Variants in TENM3 observed in about 807,000 individuals in gnomAD.
TENM3 encodes teneurin transmembrane protein 3, also known as teneurin-3.
A neutral mutation model predicts 255.1 loss-of-function variants in TENM3; 63 were observed. That is an observed-to-expected ratio of 0.25 (90% CI 0.20 to 0.30). The LOEUF (loss-of-function observed/expected upper bound fraction) is 0.30. TENM3 is among the 10% of genes least tolerant of loss of function. The probability of loss-of-function intolerance (pLI) is 1.00; values close to 1 mark genes in which losing one functional copy is unlikely to be tolerated. For synonymous variants in TENM3, 1,306 were observed against 1,322.3 expected, an observed-to-expected ratio of 0.99 and a Z score of 0.27; for missense variants, 2,929 against 3,461.1, an observed-to-expected ratio of 0.85 and a Z score of 3.86.
the TENM3 span, among the ~76,000 whole-genome samples, chr4:182,008,270 A>C: frequency 2.6e-5 from 4 of 151,842 alleles, no homozygotes; most frequent in African/African-American, 4.8e-5. Context: ...AAATTTCCTG[A>C]ATTTTCCTGT....
chr4:182,490,906 C>T lies in TENM3; in HGVS notation c.512-110018C>T, dbSNP rs574836381. On this transcript the variant is annotated intron_variant, in intron 3 of 27. Transcript: ENST00000511685. ...CCTGCTTGTGTTTTTGTTACCTTGC[C>T]TCTTGCCTTCCCAGGATAGGGCACA... Among the ~76,000 whole-genome samples the T allele has an allele frequency of 3.9e-5, 6 of 152,302 alleles. No homozygotes were observed. The South Asian group carries it at 1.0e-3, about 26-fold the overall frequency.
intron 3 of TENM3, among the ~76,000 whole-genome samples, chr4:182,501,373 T>TG (rs57346256): frequency 0.034 from 4,565 of 134,876 alleles, 88 homozygotes; most frequent in Middle Eastern, 0.056. Flanking sequence ...TGTCTAAAAG[T>TG]GGGGGGGGGG....
chr4:182,713,381 C>CCATTCA, intron 12 of TENM3, among the ~76,000 whole-genome samples: 1 of 152,302 alleles, frequency 6.6e-6, no homozygotes, highest in South Asian at 2.1e-4. Context: ...CTGTCCCATC[C>CCATTCA]GTATGCAGCC....
chr4:182,062,525 T>C, the TENM3 span, among the ~76,000 whole-genome samples: 1 of 152,380 alleles, frequency 6.6e-6, no homozygotes, highest in Admixed American at 6.5e-5. Flanking sequence ...TGTAAAGTTA[T>C]ACCGTGTTGA....
chr4:182,309,942 A>T lies in TENM3; in HGVS notation c.-75-14004A>T, dbSNP rs967953078. On this transcript the variant is annotated intron_variant, in intron 1 of 27. Transcript: ENST00000511685. ...TGAATGCCCTAAAAAACTTTATCTC[A>T]TTTAATCTTCATAATATCTCCGCTA... 5.3e-5 allele frequency among the ~76,000 whole-genome samples: 8 copies of T among 152,186 alleles called. No homozygotes were observed. In the East Asian group the frequency reaches 1.5e-3, roughly 29 times the overall value.
the TENM3 span, among the ~76,000 whole-genome samples, chr4:181,585,996 C>T: frequency 1.9e-3 from 291 of 152,264 alleles, 1 homozygote; most frequent in African/African-American, 6.8e-3. Context: ...TCAAGAAAAC[C>T]GTGGCTTCCA....
the TENM3 span, among the ~76,000 whole-genome samples, chr4:182,039,123 C>A: frequency 6.6e-6 from 1 of 152,172 alleles, no homozygotes; most frequent in African/African-American, 2.4e-5. Context: ...TTTCAAGAGC[C>A]ATCTGAGGTC....
the TENM3 span, among the ~76,000 whole-genome samples, chr4:181,994,770 T>C: frequency 1.3e-5 from 2 of 152,180 alleles, no homozygotes; most frequent in African/African-American, 2.4e-5. Flanking sequence ...GCAGCTTTCA[T>C]GAGCAAGAAT....
chr4:182,601,339 T>C (rs1560987056), intron 4 of TENM3, among the ~76,000 whole-genome samples, 178 bp downstream of exon 4: 1 of 152,190 alleles, frequency 6.6e-6, no homozygotes, highest in Non-Finnish European at 1.5e-5. Flanking sequence ...GGTCAGTGAA[T>C]GTGCCTATTC....
At chr4:181,735,532 C>T in the TENM3 span, among the ~76,000 whole-genome samples, 1 of 151,980 alleles carries the variant, frequency 6.6e-6, no homozygotes, top group African/African-American at 2.4e-5. Flanking sequence ...GTCTTATAAA[C>T]ATATCAAAGC....
At chr4:182,727,196 C>A (rs1760267741) in intron 13 of TENM3, among the ~76,000 whole-genome samples, 1 of 152,010 alleles carries the variant, frequency 6.6e-6, no homozygotes, top group African/African-American at 2.4e-5. Context: ...TGGCTCACAC[C>A]TATAATCCCA....
chr4:181,730,467 G>T, the TENM3 span, among the ~76,000 whole-genome samples: 1 of 152,204 alleles, frequency 6.6e-6, no homozygotes, highest in African/African-American at 2.4e-5. Context: ...CCTCCAACCT[G>T]TAGGTAACTT....
intron 27 of TENM3, among the ~76,000 whole-genome samples, chr4:182,798,331 C>A (rs1049667180): frequency 6.6e-6 from 1 of 152,286 alleles, no homozygotes; most frequent in African/African-American, 2.4e-5. Context: ...TACTGTACCT[C>A]TTCTATGTTT....
chr4:181,510,354 T>C, the TENM3 span, among the ~76,000 whole-genome samples: 3 of 151,772 alleles, frequency 2.0e-5, no homozygotes, highest in Non-Finnish European at 4.4e-5. Flanking sequence ...ATACCAAATA[T>C]AACAAACAAA....
chr4:181,605,815 G>A, the TENM3 span, among the ~76,000 whole-genome samples: 1 of 152,100 alleles, frequency 6.6e-6, no homozygotes, highest in African/African-American at 2.4e-5. Flanking sequence ...AAACAAGTTA[G>A]CAGTTAAAAT....
chr4:181,531,047 A>G, the TENM3 span, among the ~76,000 whole-genome samples: 4 of 152,116 alleles, frequency 2.6e-5, no homozygotes, highest in Non-Finnish European at 5.9e-5. Context: ...TTTTATCCAT[A>G]ATGAATGACT....
chr4:182,364,540 C>T (rs1185945898), intron 3 of TENM3, among the ~76,000 whole-genome samples: 1 of 152,102 alleles, frequency 6.6e-6, no homozygotes, highest in Admixed American at 6.5e-5. Flanking sequence ...CCTCAGCCTC[C>T]CGAGTAGCTG....
At chr4:181,744,500 T>C in the TENM3 span, among the ~76,000 whole-genome samples, 6 of 152,316 alleles carry the variant, frequency 3.9e-5, no homozygotes, top group South Asian at 1.2e-3. Context: ...GTTTTTTGGC[T>C]TTTTAATAAC....
At chr4:182,563,506 T>C (rs1221413808) in intron 3 of TENM3, among the ~76,000 whole-genome samples, 2 of 152,216 alleles carry the variant, frequency 1.3e-5, no homozygotes, top group Non-Finnish European at 2.9e-5. Context: ...TCACTTGATA[T>C]AATTCACTTT....
Sources: allele counts gnomAD v4.1 joint callset (sites outside exome capture counted in the v4.1 genomes callset), GRCh38; gene constraint gnomAD v4.1.1; transcripts MANE v1.5; gene names NCBI Gene and HGNC (gene_info 2026-07-23, HGNC 2026-07-21).